SHC2: variants seen among roughly 807,000 people sequenced by gnomAD.
SHC2 encodes SHC-transforming protein 2.
In SHC2, 62 loss-of-function variants were observed where a neutral mutation model predicts 60.6. The ratio of observed to expected loss-of-function variants is 1.02; its 90% CI spans 0.83 to 1.26. The LOEUF is 1.26. Among genes scored for constraint, SHC2 ranks in the 50% most tolerant of loss-of-function variants. SHC2 has a pLI of 0.00. For missense variants in SHC2, 873 were observed against 822.2 expected, an observed-to-expected ratio of 1.06 and a Z score of -0.76; for synonymous variants, 375 against 372.4, an observed-to-expected ratio of 1.01 and a Z score of -0.08.
rs13343784 is a variant in SHC2 at position 438,584 on chromosome 19, C to G, written c.720+134G>C. The G allele has an allele frequency of 4.6e-3, 4,967 of 1,068,654 alleles. 152 individuals carry two copies. In the African/African-American group the frequency reaches 0.069, roughly 15 times the overall value. 66.2% of individuals were successfully genotyped at this position (1,068,654 alleles called of 1,614,324 possible). Reference sequence around the variant, plus strand: ...AGTGGCTGCACCCCCAGCTCCTGCTCAGCGGGGCCTCGGCTCGTCTTTCTG... The same window carrying G: ...AGTGGCTGCACCCCCAGCTCCTGCTGAGCGGGGCCTCGGCTCGTCTTTCTG... On this transcript the variant is annotated intron_variant, in intron 4 of 12. Coordinates refer to ENST00000264554, the MANE Select transcript of SHC2 (RefSeq NM_012435.3). The surrounding 1 kb of genome is among the most constrained non-coding windows in gnomAD (Gnocchi z 5.0).
chr19:429,926 A>G (rs1208449865), intron 9 of SHC2, among the ~76,000 whole-genome samples: 1 of 148,786 alleles, frequency 6.7e-6, no homozygotes, highest in Non-Finnish European at 1.5e-5. Context: ...TGGATGACAC[A>G]GTATCTACAC....
chr19:429,335 C>T (rs1404808978), intron 9 of SHC2, among the ~76,000 whole-genome samples: 4 of 143,458 alleles, frequency 2.8e-5, no homozygotes, highest in East Asian at 2.1e-4. Flanking sequence ...GTGTGGATGA[C>T]GCAGTACCTA....
intron 1 of SHC2, among the ~76,000 whole-genome samples, chr19:443,882 G>GTGGATGGGTGGGTGGATGGA (rs1188813234): frequency 1.6e-5 from 2 of 124,976 alleles, no homozygotes; most frequent in Non-Finnish European, 3.3e-5. Context: ...GGATGTGTAG[G>GTGGATGGGTGGGTGGATGGA]TGGATGGGTG....
At chr19:436,743 G>A (rs1974733212) in intron 4 of SHC2, 60 bp from the exon 5 acceptor site, 10 of 1,488,882 alleles carry the variant, frequency 6.7e-6, no homozygotes, top group Non-Finnish European at 6.4e-6. Context: ...AGGGGGCCCG[G>A]CAGATGGACC....
intron 9 of SHC2, among the ~76,000 whole-genome samples, chr19:429,319 A>G (rs1465502203): frequency 2.9e-5 from 4 of 139,904 alleles, no homozygotes; most frequent in Admixed American, 7.3e-5. Context: ...ACGGAAACCT[A>G]ACACCGTGTG....
chr19:430,033 ACCC>A (rs1444383376), intron 9 of SHC2, among the ~76,000 whole-genome samples: 1 of 137,172 alleles, frequency 7.3e-6, no homozygotes, highest in Non-Finnish European at 1.6e-5. Context: ...CAGTACCTAT[ACCC>A]CAACGTGCAC....
intron 1 of SHC2, among the ~76,000 whole-genome samples, chr19:448,479 C>T (rs889171971): frequency 5.3e-5 from 8 of 152,224 alleles, no homozygotes; most frequent in Non-Finnish European, 1.2e-4. Flanking sequence ...TTAGAGGACA[C>T]GAGCCATTGC....
At chr19:417,593 G>T (rs906011924) in intron 12 of SHC2, among the ~76,000 whole-genome samples, 1 of 152,254 alleles carries the variant, frequency 6.6e-6, no homozygotes, top group Admixed American at 6.5e-5. Flanking sequence ...AGAACCGAAG[G>T]GTTGAGCACA....
chr19:451,563 T>C (rs1352471277), intron 1 of SHC2, among the ~76,000 whole-genome samples: 1 of 152,160 alleles, frequency 6.6e-6, no homozygotes, highest in Admixed American at 6.5e-5. Context: ...GAAGTGAAAT[T>C]GGTGGATCAT....
At chr19:433,543 T>A (rs1313499296) in intron 8 of SHC2, among the ~76,000 whole-genome samples, 12 of 29,984 alleles carry the variant, frequency 4.0e-4, no homozygotes, top group Non-Finnish European at 3.4e-4. Context: ...TGAGTGAGAG[T>A]TAGAGGAGGC....
In SHC2 at chr19:452,561, TGGG is replaced by T. The variant is rs1326807580; in HGVS notation, c.468+7965_468+7967del. Among the ~76,000 whole-genome samples the T allele has an allele frequency of 2.7e-5, 4 of 148,532 alleles. 1 individual carries two copies. Among genetic ancestry groups the T allele is most frequent in the African/African-American group, 7.5e-5 (3 of 40,068 alleles). The stretch of plus-strand genomic sequence containing the variant: ...TTGAGGTTGGGGCATCGTACTGACT[TGGG>T]GGGAATTCCTGCGTAGGTGTGCGTT... On this transcript the variant is annotated intron_variant, in intron 1 of 12. Transcript: ENST00000264554.
In SHC2 at chr19:446,334, C is replaced by T. The variant is rs558051454; in HGVS notation, c.469-5402G>A. ...GGGGTTTTTGTTTGTTTGTTTGAGA[C>T]GGAGTCTTGCTCTGTCGCCAGGCTG... On this transcript the variant is annotated intron_variant, in intron 1 of 12. Coordinates refer to ENST00000264554, the MANE Select transcript of SHC2 (RefSeq NM_012435.3). The surrounding 1 kb of genome is among the most constrained non-coding windows in gnomAD (Gnocchi z 5.4). 2.0e-5 allele frequency among the ~76,000 whole-genome samples: 3 copies of T among 152,184 alleles called. No homozygotes were observed. The highest frequency in any genetic ancestry group is 2.1e-4 in the South Asian group (1 of 4,816).
chr19:450,200 G>A (rs578223869), intron 1 of SHC2, among the ~76,000 whole-genome samples: 10 of 152,290 alleles, frequency 6.6e-5, no homozygotes, highest in South Asian at 2.1e-4. Context: ...CAATGACACC[G>A]AACTGTCCCC....
Position 419,065 on chromosome 19 carries a change from C to T in SHC2, c.1621-9G>A. 6.4e-7 allele frequency: 1 copy of T among 1,570,698 alleles called. No individual in the cohort carries two copies. Among genetic ancestry groups the T allele is most frequent in the East Asian group, 2.3e-5 (1 of 42,750 alleles). On this transcript the variant is annotated splice_polypyrimidine_tract_variant and intron_variant, in intron 11 of 12. Coordinates refer to ENST00000264554, the MANE Select transcript of SHC2 (RefSeq NM_012435.3). The stretch of plus-strand genomic sequence containing the variant: ...ACGTCCTTCGTCCGTACCTGCGGGA[C>T]AGAGACCTCGGCATCAGCTCCCGGG...
At chr19:448,480 G>A (rs1292244347) in intron 1 of SHC2, among the ~76,000 whole-genome samples, 1 of 152,210 alleles carries the variant, frequency 6.6e-6, no homozygotes. Context: ...TAGAGGACAC[G>A]AGCCATTGCA....
In SHC2 at chr19:422,252, C is replaced by T. The variant is rs369395153; in HGVS notation, c.1514G>A (p.Gly505Glu). The change falls in exon 11 of 13, where the codon GGG becomes GAG. Residue 505 changes from glycine (G) to glutamate (E), a missense_variant. Physicochemically the swap from Gly to Glu is moderately conservative, Grantham distance 98. Coordinates refer to ENST00000264554, the MANE Select transcript of SHC2 (RefSeq NM_012435.3). This position sits in a 1 kb window ranked among gnomAD's most constrained non-coding sequence, Gnocchi z 5.0. The part of the protein sequence containing the change: ...RAAERMLRAD[G>E]DFLVRDSVTN... ...GACGCTGTCTCGCACAAGGAAGTCC[C>T]CGTCAGCTCGAAGCATCCTCTCTGC... The T allele has an allele frequency of 3.7e-6, 6 of 1,612,358 alleles. No homozygotes were observed. Among genetic ancestry groups the T allele is most frequent in the African/African-American group, 1.3e-5 (1 of 74,922 alleles).
chr19:419,167 C>T lies in SHC2; in HGVS notation c.1621-111G>A, dbSNP rs145973742. 412 of 1,263,854 alleles carry T rather than the reference C, an allele frequency of 3.3e-4. No homozygotes were observed. The African/African-American group carries it at 4.2e-3, about 13-fold the overall frequency. 78.3% of individuals were successfully genotyped at this position (1,263,854 alleles called of 1,614,324 possible). ...GGAGCCCCTAGGGTGCCTGCATGGA[C>T]GAGGGGCCGGACCAGGGAATTCCGG... is the stretch of plus-strand genomic sequence containing the variant. On this transcript the variant is annotated intron_variant, in intron 11 of 12. Coordinates refer to ENST00000264554, the MANE Select transcript of SHC2 (RefSeq NM_012435.3).
chr19:429,098 C>T (rs1301741213), intron 9 of SHC2, among the ~76,000 whole-genome samples: 1 of 148,926 alleles, frequency 6.7e-6, no homozygotes, highest in Admixed American at 6.8e-5. Context: ...GATGCGGTAC[C>T]TATACCCAAC....
At chr19:460,506 CG>C (rs750611363) in intron 1 of SHC2, 22 bp downstream of exon 1, 9,425 of 787,350 alleles carry the variant, frequency 0.012, 45 homozygotes, top group African/African-American at 0.067. Flanking sequence ...AACGGGCTCC[CG>C]GGGGGGGTGG....
Sources: allele counts gnomAD v4.1 joint callset (sites outside exome capture counted in the v4.1 genomes callset), GRCh38; gene constraint gnomAD v4.1.1; non-coding constraint Gnocchi (gnomAD v3.1); transcripts MANE v1.5; gene names NCBI Gene and HGNC (gene_info 2026-07-23, HGNC 2026-07-21).